Variants in MPPED2 observed in about 807,000 individuals in gnomAD.
MPPED2 encodes the protein metallophosphoesterase MPPED2.
MPPED2 carries 5 observed loss-of-function variants against 33.0 expected under a neutral mutation model. That is an observed-to-expected ratio of 0.15 (90% confidence interval 0.08 to 0.32). The LOEUF is 0.32. Ranked by LOEUF, MPPED2 falls within the 10% of genes least tolerant of loss-of-function variation. The probability of loss-of-function intolerance (pLI) is 1.00; values close to 1 mark genes in which losing one functional copy is unlikely to be tolerated. For synonymous variants in MPPED2, 136 were observed against 141.9 expected (o/e 0.96, Z 0.29); for missense variants, 275 against 372.1 (o/e 0.74, Z 2.15).
chr11:30,504,281 C>A (rs1046922932), intron 3 of MPPED2, among the ~76,000 whole-genome samples: 1 of 152,086 alleles, frequency 6.6e-6, no homozygotes, highest in Non-Finnish European at 1.5e-5. Flanking sequence ...ATAAGAATAA[C>A]CTGGGCTTGA....
At chr11:30,415,301 T>A (rs974212916) in intron 5 of MPPED2, among the ~76,000 whole-genome samples, 5 of 152,040 alleles carry the variant, frequency 3.3e-5, no homozygotes, top group African/African-American at 9.7e-5. Context: ...GAAAGTGGGG[T>A]CCCCAGCAAA....
exon 7 of MPPED2, chr11:30,386,939 G>A (rs1012976263): frequency 3.8e-5 from 15 of 393,832 alleles, no homozygotes; most frequent in Admixed American, 8.9e-5. Flanking sequence ...TATGCCTAAC[G>A]TTTACCACAG....
chr11:30,436,787 A>G (rs1230361810), intron 4 of MPPED2, among the ~76,000 whole-genome samples: 1 of 152,218 alleles, frequency 6.6e-6, no homozygotes, highest in Admixed American at 6.5e-5. Context: ...TAAGTCCTAG[A>G]TGGATTTAGG....
At chr11:30,469,252 T>A (rs1227649962) in intron 4 of MPPED2, among the ~76,000 whole-genome samples, 1 of 152,234 alleles carries the variant, frequency 6.6e-6, no homozygotes, top group Non-Finnish European at 1.5e-5. Context: ...TTTCTTACCA[T>A]CTACTTTTTT....
chr11:30,556,455 A>C (rs1344705748), intron 2 of MPPED2, among the ~76,000 whole-genome samples: 2 of 152,198 alleles, frequency 1.3e-5, no homozygotes, highest in Non-Finnish European at 2.9e-5. Context: ...CATTTACCTC[A>C]TGCTTCTTCA....
At chr11:30,493,370 C>CA (rs751635120) in intron 4 of MPPED2, among the ~76,000 whole-genome samples, 3,799 of 71,914 alleles carry the variant, frequency 0.053, 84 homozygotes, top group African/African-American at 0.082. Context: ...GACTCCGTCT[C>CA]AAAAAAAAAA....
chr11:30,501,595 A>G, intron 3 of MPPED2: 1 of 974,598 alleles, frequency 1.0e-6, no homozygotes, highest in Non-Finnish European at 1.2e-6. Context: ...CTCATTCATG[A>G]ATGATTAGTA....
chr11:30,429,081 T>C (rs1190145770), intron 4 of MPPED2: 3 of 152,178 alleles, frequency 2.0e-5, no homozygotes, highest in Admixed American at 1.3e-4. Context: ...ACTTGGGAGA[T>C]AGAAAAGAGA....
chr11:30,432,900 G>C (rs1323670658), intron 4 of MPPED2, among the ~76,000 whole-genome samples: 1 of 152,168 alleles, frequency 6.6e-6, no homozygotes, highest in East Asian at 1.9e-4. Context: ...AAGTCCCCAG[G>C]AGCCAAGCTA....
intron 6 of MPPED2, 73 bp downstream of exon 6, chr11:30,414,155 C>T (rs1165797607): frequency 1.9e-6 from 2 of 1,055,636 alleles, no homozygotes; most frequent in Non-Finnish European, 2.9e-6. Context: ...AACTACTCCA[C>T]TTATTCCTAG....
intron 3 of MPPED2, 84 bp from the exon 4 acceptor site, chr11:30,495,605 A>C: frequency 2.1e-6 from 2 of 974,276 alleles, no homozygotes; most frequent in Non-Finnish European, 3.1e-6. Flanking sequence ...ATTAGCAGAC[A>C]GCTCACCCAA....
intron 3 of MPPED2, among the ~76,000 whole-genome samples, chr11:30,513,484 T>C (rs1181073777): frequency 6.6e-6 from 1 of 152,220 alleles, no homozygotes; most frequent in Non-Finnish European, 1.5e-5. Context: ...GTTAAAAGTA[T>C]AGTTCCTATG....
intron 3 of MPPED2, among the ~76,000 whole-genome samples, chr11:30,516,297 T>A (rs1000863277): frequency 6.6e-6 from 1 of 152,202 alleles, no homozygotes; most frequent in African/African-American, 2.4e-5. Context: ...ACTCTTCTGA[T>A]GCATCCAAGT....
chr11:30,576,857 C>G (rs903492258), intron 2 of MPPED2, among the ~76,000 whole-genome samples: 1 of 151,044 alleles, frequency 6.6e-6, no homozygotes, highest in African/African-American at 2.4e-5. Flanking sequence ...TTTTCTTTCC[C>G]AAGGTCATAC....
chr11:30,454,192 T>C (rs1950181735), intron 4 of MPPED2, among the ~76,000 whole-genome samples: 1 of 152,206 alleles, frequency 6.6e-6, no homozygotes, highest in Non-Finnish European at 1.5e-5. Flanking sequence ...GAACCTTATT[T>C]ACAGTATGTC....
At chr11:30,575,724 T>C (rs1191617397) in intron 2 of MPPED2, among the ~76,000 whole-genome samples, 1 of 152,176 alleles carries the variant, frequency 6.6e-6, no homozygotes, top group East Asian at 1.9e-4. Flanking sequence ...GCCACTGTGA[T>C]TCCACAGACA....
chr11:30,545,703 C>CAAAG (rs1437323904), intron 2 of MPPED2, among the ~76,000 whole-genome samples: 1 of 152,094 alleles, frequency 6.6e-6, no homozygotes, highest in African/African-American at 2.4e-5. Flanking sequence ...AGCAATAGGG[C>CAAAG]AAAGGTACAG....
At chr11:30,403,341 A>C (rs979008560) in intron 6 of MPPED2, among the ~76,000 whole-genome samples, 1 of 152,238 alleles carries the variant, frequency 6.6e-6, no homozygotes, top group African/African-American at 2.4e-5. Context: ...ATAGCCAGTC[A>C]CAGGAAAGAA....
intron 4 of MPPED2, among the ~76,000 whole-genome samples, chr11:30,435,115 A>G (rs980581270): frequency 6.6e-6 from 1 of 152,308 alleles, no homozygotes; most frequent in East Asian, 1.9e-4. Context: ...CCTTGTTTGT[A>G]TGCTTTCTGA....
Sources: allele counts gnomAD v4.1 joint callset (sites outside exome capture counted in the v4.1 genomes callset), GRCh38; gene constraint gnomAD v4.1.1; transcripts MANE v1.5; gene names NCBI Gene and HGNC (gene_info 2026-07-23, HGNC 2026-07-21).